Variants in CELF2 observed in about 807,000 individuals in gnomAD.
CELF2 encodes CUGBP Elav-like family member 2, also known as CUG triplet repeat RNA-binding protein 2.
CELF2 carries 8 observed loss-of-function variants against 62.6 expected under a neutral mutation model. The ratio of observed to expected loss-of-function variants is 0.13; its 90% CI spans 0.07 to 0.23. The LOEUF is 0.23. CELF2 is among the 10% of genes least tolerant of loss of function. The pLI, the probability that CELF2 is intolerant of heterozygous loss-of-function variation, is 1.00. For missense variants in CELF2, 333 were observed against 671.0 expected (o/e 0.50, Z 5.56); for synonymous variants, 258 against 250.0 (o/e 1.03, Z -0.30).
At chr10:10,954,969 T>A (rs2048738416) in intron 2 of CELF2, among the ~76,000 whole-genome samples, 1 of 152,284 alleles carries the variant, frequency 6.6e-6, no homozygotes, top group African/African-American at 2.4e-5. Context: ...TTAGGTCAAC[T>A]GCCTATTTCA....
intron 1 of CELF2, among the ~76,000 whole-genome samples, chr10:10,876,528 G>A (rs2061104954): frequency 6.6e-6 from 1 of 152,166 alleles, no homozygotes; most frequent in African/African-American, 2.4e-5. Flanking sequence ...GGACAAGCGT[G>A]TCTTCTAATG....
At chr10:11,127,288 T>C (rs574216744) in intron 1 of CELF2, among the ~76,000 whole-genome samples, 22 of 152,234 alleles carry the variant, frequency 1.4e-4, no homozygotes, top group East Asian at 3.8e-4. Context: ...TAATCCAGTC[T>C]ATCATTGATG....
chr10:10,589,073 T>C, the CELF2 span, among the ~76,000 whole-genome samples: 1 of 152,212 alleles, frequency 6.6e-6, no homozygotes, highest in East Asian at 1.9e-4. Flanking sequence ...CTTGGTTTTA[T>C]ACATTTTAGG....
intron 1 of CELF2, among the ~76,000 whole-genome samples, chr10:11,119,386 T>C (rs2057251463): frequency 6.6e-6 from 1 of 152,072 alleles, no homozygotes; most frequent in South Asian, 2.1e-4. Context: ...AGCTGGGGAG[T>C]GCCCTGGGAT....
rs767515192 is a variant in CELF2, at chr10:11,046,169, G to A, written c.74+28006G>A. ...CTCCCCAACCGGGCTGCACGCCAGC[G>A]GTTCTCAAAATCACGGCACCGCTTG... is the stretch of plus-strand genomic sequence containing the variant. On this transcript the variant is annotated intron_variant, in intron 1 of 12. Coordinates refer to ENST00000633077, the MANE Select transcript of CELF2 (RefSeq NM_001326342.2). This position sits in a 1 kb window ranked among gnomAD's most constrained non-coding sequence, Gnocchi z 4.6. Among the ~76,000 whole-genome samples the A allele has an allele frequency of 1.3e-5, 2 of 152,162 alleles. No individual in the cohort carries two copies. The highest frequency in any genetic ancestry group is 6.5e-5 in the Admixed American group (1 of 15,282).
chr10:10,898,707 A>T (rs564921571), intron 1 of CELF2, among the ~76,000 whole-genome samples: 1 of 152,372 alleles, frequency 6.6e-6, no homozygotes, highest in East Asian at 1.9e-4. Context: ...TGATAGAATA[A>T]GTAGACAGGA....
chr10:10,872,905 C>T (rs1464022352), intron 1 of CELF2, among the ~76,000 whole-genome samples: 1 of 151,940 alleles, frequency 6.6e-6, no homozygotes, highest in African/African-American at 2.4e-5. Flanking sequence ...GTTCTGAGGT[C>T]TTGTCTCATG....
the CELF2 span, among the ~76,000 whole-genome samples, chr10:10,722,568 G>A: frequency 2.6e-5 from 4 of 152,134 alleles, no homozygotes; most frequent in African/African-American, 9.7e-5. Flanking sequence ...TTGACTGAGA[G>A]CCAAGCCCTT....
At chr10:10,568,787 G>T in the CELF2 span, among the ~76,000 whole-genome samples, 29 of 152,206 alleles carry the variant, frequency 1.9e-4, no homozygotes, top group South Asian at 6.0e-3. Flanking sequence ...AGAGGGGAAA[G>T]GTTTTGAAGT....
chr10:10,667,026 G>A, the CELF2 span, among the ~76,000 whole-genome samples: 16 of 152,224 alleles, frequency 1.1e-4, no homozygotes, highest in African/African-American at 3.6e-4. Flanking sequence ...TCTAAAATAA[G>A]TCAGTTGGGA....
the CELF2 span, chr10:10,784,786 T>C: frequency 6.6e-6 from 1 of 152,202 alleles, no homozygotes; most frequent in East Asian, 1.9e-4. Flanking sequence ...GGCCACAGGA[T>C]TTCTGTTTTG....
chr10:10,677,602 A>AC, the CELF2 span, among the ~76,000 whole-genome samples: 2 of 152,212 alleles, frequency 1.3e-5, no homozygotes, highest in Admixed American at 6.5e-5. Context: ...TTGTCAACAC[A>AC]CGTTAAGATT....
the CELF2 span, among the ~76,000 whole-genome samples, chr10:10,723,942 A>C: frequency 6.6e-6 from 1 of 152,200 alleles, no homozygotes; most frequent in Non-Finnish European, 1.5e-5. Flanking sequence ...TGATTATTTC[A>C]TCTCCAATGT....
chr10:10,987,359 ATAT>A (rs2052890568), intron 2 of CELF2, among the ~76,000 whole-genome samples: 1 of 152,046 alleles, frequency 6.6e-6, no homozygotes, highest in Non-Finnish European at 1.5e-5. Flanking sequence ...ATTTTTGTAA[ATAT>A]TATCGTAAAC....
chr10:10,631,557 G>A, the CELF2 span, among the ~76,000 whole-genome samples: 612 of 152,256 alleles, frequency 4.0e-3, 4 homozygotes, highest in African/African-American at 0.013. Flanking sequence ...CACTACTTCC[G>A]GTGCTTAAGA....
intron 9 of CELF2, among the ~76,000 whole-genome samples, chr10:11,292,725 C>T (rs1267263869): frequency 6.6e-6 from 1 of 152,170 alleles, no homozygotes; most frequent in Non-Finnish European, 1.5e-5. Context: ...TCCTCAGAGT[C>T]GAGAATTAAA....
At chr10:10,942,976 G>A (rs1402946324) in intron 2 of CELF2, among the ~76,000 whole-genome samples, 1 of 152,200 alleles carries the variant, frequency 6.6e-6, no homozygotes, top group Non-Finnish European at 1.5e-5. Context: ...GCTCAGGGCA[G>A]GACCCACAAG....
At chr10:10,470,891 A>T in the CELF2 span, among the ~76,000 whole-genome samples, 1 of 151,352 alleles carries the variant, frequency 6.6e-6, no homozygotes, top group South Asian at 2.1e-4. Context: ...TAATTAATTT[A>T]GTACTTTTCT....
At chr10:10,908,365 G>A (rs1406251876) in intron 1 of CELF2, among the ~76,000 whole-genome samples, 6 of 151,456 alleles carry the variant, frequency 4.0e-5, no homozygotes, top group South Asian at 2.1e-4. Context: ...GACTACAGGC[G>A]CCTGCCACCA....
Sources: allele counts gnomAD v4.1 joint callset (sites outside exome capture counted in the v4.1 genomes callset), GRCh38; gene constraint gnomAD v4.1.1; non-coding constraint Gnocchi (gnomAD v3.1); transcripts MANE v1.5; gene names NCBI Gene and HGNC (gene_info 2026-07-23, HGNC 2026-07-21).